The following ZC3H12B variants were observed in gnomAD, a reference collection of about 807,000 sequenced individuals.
The protein encoded by ZC3H12B is zinc finger CCCH-type containing 12B, also known as probable ribonuclease ZC3H12B.
Under a neutral mutation model 43.9 loss-of-function variants are expected in ZC3H12B, and 7 were observed. That is an observed-to-expected ratio of 0.16 (90% CI 0.09 to 0.30). ZC3H12B has a LOEUF of 0.30. Among genes scored for constraint, ZC3H12B ranks in the 10% least tolerant of loss-of-function variants. The pLI, the probability that ZC3H12B is intolerant of heterozygous loss-of-function variation, is 1.00. For synonymous variants in ZC3H12B, 222 were observed against 241.7 expected (o/e 0.92, Z 0.76); for missense variants, 475 against 670.2 (o/e 0.71, Z 3.22).
chrX:65,365,725 G>C (rs991769543), upstream of ZC3H12B, among the ~76,000 whole-genome samples: 2 of 111,156 alleles, frequency 1.8e-5, no homozygotes, highest in African/African-American at 6.6e-5. Flanking sequence ...TATACATCCA[G>C]ATGGCCTGTT....
At chrX:65,313,817 A>C in the ZC3H12B span, among the ~76,000 whole-genome samples, 3 of 112,183 alleles carry the variant, frequency 2.7e-5, no homozygotes, top group African/African-American at 6.5e-5. Flanking sequence ...TCTCAAGTGA[A>C]ACAACAATCA....
At chrX:65,443,125 G>T (rs1001557893) in intron 3 of ZC3H12B, among the ~76,000 whole-genome samples, 4 of 111,368 alleles carry the variant, frequency 3.6e-5, no homozygotes, top group Non-Finnish European at 7.5e-5. Flanking sequence ...CGCTATAATC[G>T]TTCCTCCTCA....
chrX:65,410,252 G>C (rs1229144578), intron 3 of ZC3H12B, among the ~76,000 whole-genome samples: 1 of 111,261 alleles, frequency 9.0e-6, no homozygotes, highest in African/African-American at 3.3e-5. Flanking sequence ...GGAAAAACTA[G>C]ATATCCATGT....
chrX:65,307,389 T>C, the ZC3H12B span, among the ~76,000 whole-genome samples: 1 of 111,923 alleles, frequency 8.9e-6, no homozygotes, highest in East Asian at 2.8e-4. Flanking sequence ...AAACATTGAA[T>C]TTAAGTATAA....
At chrX:65,493,343 A>G (rs2068232605) in intron 1 of ZC3H12B, among the ~76,000 whole-genome samples, 1 of 110,770 alleles carries the variant, frequency 9.0e-6, no homozygotes, top group Non-Finnish European at 1.9e-5. Flanking sequence ...AGATTGCGCC[A>G]CTACACTCCA....
the ZC3H12B span, among the ~76,000 whole-genome samples, chrX:65,159,058 G>A: frequency 1.1e-3 from 119 of 111,698 alleles, no homozygotes; most frequent in Middle Eastern, 4.6e-3. Flanking sequence ...GTTTTTCTCA[G>A]GTTTGTCAAA....
chrX:65,342,280 T>A, the ZC3H12B span, among the ~76,000 whole-genome samples: 1 of 111,568 alleles, frequency 9.0e-6, no homozygotes, highest in Non-Finnish European at 1.9e-5. Context: ...ATTCAGGACT[T>A]GAACTCAGCA....
chrX:65,417,446 A>C (rs1569400823), intron 3 of ZC3H12B, among the ~76,000 whole-genome samples: 2 of 112,461 alleles, frequency 1.8e-5, no homozygotes, highest in Non-Finnish European at 3.8e-5. Context: ...TGGCTTTATA[A>C]GCAGAATGAA....
the ZC3H12B span, among the ~76,000 whole-genome samples, chrX:65,352,695 C>A: frequency 3.6e-5 from 4 of 111,267 alleles, no homozygotes; most frequent in African/African-American, 1.3e-4. Flanking sequence ...AGGTTTGTAA[C>A]AATCCTGTGT....
At chrX:65,241,094 G>A in the ZC3H12B span, among the ~76,000 whole-genome samples, 5 of 112,141 alleles carry the variant, frequency 4.5e-5, no homozygotes, top group Non-Finnish European at 9.4e-5. Context: ...GTGCTGCATT[G>A]GGTGTAACTC....
At chrX:65,118,324 A>G in the ZC3H12B span, among the ~76,000 whole-genome samples, 1 of 111,539 alleles carries the variant, frequency 9.0e-6, no homozygotes, top group African/African-American at 3.3e-5. Flanking sequence ...CTTTGAAGCA[A>G]TTGTGAATGG....
At chrX:65,236,623 A>G in the ZC3H12B span, among the ~76,000 whole-genome samples, 2 of 111,827 alleles carry the variant, frequency 1.8e-5, no homozygotes, top group African/African-American at 3.3e-5. Context: ...ATCTTTGCCC[A>G]TGCCTATTTC....
chrX:65,127,617 A>C, the ZC3H12B span, among the ~76,000 whole-genome samples: 1 of 111,130 alleles, frequency 9.0e-6, no homozygotes, highest in Non-Finnish European at 1.9e-5. Context: ...TTTGGCTACC[A>C]GGGTAGGTAG....
the ZC3H12B span, among the ~76,000 whole-genome samples, chrX:65,126,049 G>GTGT: frequency 1.3e-3 from 123 of 94,661 alleles, no homozygotes; most frequent in African/African-American, 4.5e-3. Flanking sequence ...TTGTGTGTGT[G>GTGT]TTTTTTTTTT....
the ZC3H12B span, among the ~76,000 whole-genome samples, chrX:65,352,388 C>G: frequency 9.1e-6 from 1 of 109,588 alleles, no homozygotes; most frequent in African/African-American, 3.3e-5. Flanking sequence ...ATTAGTGCAG[C>G]AAACCACCAT....
intron 3 of ZC3H12B, among the ~76,000 whole-genome samples, chrX:65,451,528 A>G (rs762729457): frequency 4.5e-5 from 5 of 110,859 alleles, no homozygotes; most frequent in Non-Finnish European, 9.4e-5. Flanking sequence ...TTATGTAGAT[A>G]TGGAGGTATC....
At chrX:65,178,555 A>T in the ZC3H12B span, among the ~76,000 whole-genome samples, 1 of 112,593 alleles carries the variant, frequency 8.9e-6, no homozygotes, top group African/African-American at 3.2e-5. Context: ...AGGAACTTAA[A>T]CAAATTTAGA....
chrX:65,415,582 A>T (rs2066950549), intron 3 of ZC3H12B, among the ~76,000 whole-genome samples: 2 of 111,669 alleles, frequency 1.8e-5, no homozygotes, highest in South Asian at 7.6e-4. Context: ...GCTGTGCCTT[A>T]ACTCCAAAGG....
At chrX:65,063,788 T>G in the ZC3H12B span, among the ~76,000 whole-genome samples, 26,083 of 111,018 alleles carry the variant, frequency 0.23, 7,374 homozygotes, top group African/African-American at 0.81. Context: ...CTCTGGAGCT[T>G]GGCTTTTTTT....
Sources: gnomAD v4.1 joint callset for allele counts (sites outside exome capture counted in the v4.1 genomes callset) on GRCh38, gnomAD v4.1.1 for gene constraint, MANE v1.5 for transcripts, NCBI Gene and HGNC (gene_info 2026-07-23, HGNC 2026-07-21) for gene names.